SLC16A1: variants seen among roughly 807,000 people sequenced by gnomAD.
SLC16A1 encodes solute carrier family 16 member 1.
In SLC16A1, 11 loss-of-function variants were observed where a neutral mutation model predicts 32.2. The observed-to-expected ratio is 0.34, with a 90% CI of 0.21 to 0.56. SLC16A1 has a LOEUF of 0.56. Ranked by LOEUF, SLC16A1 falls within the 20% of genes least tolerant of loss-of-function variation. SLC16A1 has a pLI of 0.87. For missense variants in SLC16A1, 435 were observed against 615.0 expected (o/e 0.71, Z 3.10); for synonymous variants, 231 against 226.8 (o/e 1.02, Z -0.17).
intron 3 of SLC16A1, among the ~76,000 whole-genome samples, chr1:112,919,006 A>AT (rs1446253214): frequency 1.6e-4 from 15 of 93,024 alleles, no homozygotes; most frequent in South Asian, 1.4e-3. Flanking sequence ...GAATGTACTA[A>AT]TTTATTTTAT....
Position 112,912,880 on chromosome 1 carries a change from T to C in SLC16A1, c.*1011A>G, listed in dbSNP as rs1648372934. 6.7e-6 allele frequency: 1 copy of C among 149,724 alleles called. No individual in the cohort carries two copies. Among genetic ancestry groups the C allele is most frequent in the African/African-American group, 2.5e-5 (1 of 40,718 alleles). The allele number at this position is 149,724 out of a possible 1,614,324, so 9.3% of individuals were successfully genotyped here. A position where few individuals can be genotyped will look rare whatever the true frequency, so the allele number is the denominator to read the frequency against. On this transcript the variant is annotated 3_prime_UTR_variant, in exon 5 of 5. Transcript: ENST00000369626. The stretch of plus-strand genomic sequence containing the variant: ...CACATAGCACTAAGCTAGAAGCAGA[T>C]ATAAATGGGACCACTGTGAATCAAA...
chr1:112,947,122 T>C (rs1649732292), intron 1 of SLC16A1, among the ~76,000 whole-genome samples: 2 of 152,358 alleles, frequency 1.3e-5, no homozygotes, highest in Admixed American at 6.5e-5. Flanking sequence ...CCATCAATAG[T>C]ATGTTTTGCT....
intron 4 of SLC16A1, among the ~76,000 whole-genome samples, chr1:112,916,496 TA>T (rs570173297): frequency 0.049 from 2,988 of 61,198 alleles, 91 homozygotes; most frequent in African/African-American, 0.16. Flanking sequence ...AAGACTGTCT[TA>T]AAAAAAAAAA....
At chr1:112,940,019 A>G (rs1186968361) in intron 1 of SLC16A1, among the ~76,000 whole-genome samples, 1 of 148,480 alleles carries the variant, frequency 6.7e-6, no homozygotes, top group East Asian at 2.0e-4. Flanking sequence ...CTTTGATACT[A>G]CACCAAAACC....
In SLC16A1 at chr1:112,929,296, C is replaced by T. The variant is rs1352775791; in HGVS notation, c.13G>A (p.Val5Ile). MPPA[V>I]GGPVGYTPPD... ...GGGGTGTATCCAACTGGACCTCCAA[C>T]TGCTGGTGGCATTTTAAGTGTAGAT... Residue 5 changes from valine to isoleucine, a missense_variant, in exon 2 of 5, where the codon GTT (valine) becomes ATT (isoleucine). Transcript: ENST00000369626. The T allele has an allele frequency of 5.0e-6, 8 of 1,613,956 alleles. No individual in the cohort carries two copies. Among genetic ancestry groups the T allele is most frequent in the Non-Finnish European group, 6.8e-6 (8 of 1,179,998 alleles).
chr1:112,917,359 T>C lies in SLC16A1; in HGVS notation c.1047A>G (p.Leu349=), dbSNP rs1043148875. Residue 349 remains leucine (L), a synonymous_variant, in exon 4 of 5, where the codon TTA becomes TTG. Coordinates refer to ENST00000369626, the MANE Select transcript of SLC16A1 (RefSeq NM_003051.4). This position sits in a 1 kb window ranked among gnomAD's most constrained non-coding sequence, Gnocchi z 4.1. The part of the protein sequence containing the change: ...ANGVCHMLAP[L]STTYVGFCVY... ...CACAGAATCCAACATAGGTAGTGGA[T>C]AAAGGTGCTAGCATATGACACACTC... is the stretch of plus-strand genomic sequence containing the variant. The C allele has an allele frequency of 1.2e-6, 2 of 1,614,094 alleles. No individual in the cohort carries two copies. Among genetic ancestry groups the C allele is most frequent in the Non-Finnish European group, 1.7e-6 (2 of 1,180,018 alleles).
At chr1:112,941,719 C>T (rs561902936) in intron 1 of SLC16A1, among the ~76,000 whole-genome samples, 20 of 152,312 alleles carry the variant, frequency 1.3e-4, no homozygotes, top group African/African-American at 4.6e-4. Context: ...ATAAAACATA[C>T]GAAAGCTAAC....
intron 1 of SLC16A1, among the ~76,000 whole-genome samples, chr1:112,930,980 A>T (rs987658059): frequency 6.6e-6 from 1 of 152,154 alleles, no homozygotes; most frequent in Admixed American, 6.5e-5. Flanking sequence ...TGGCCTCCCA[A>T]AGTGCTGGGA....
intron 4 of SLC16A1, among the ~76,000 whole-genome samples, chr1:112,916,340 A>C (rs560939609): frequency 6.6e-6 from 1 of 151,732 alleles, no homozygotes; most frequent in East Asian, 2.0e-4. Flanking sequence ...TCTACTAAAA[A>C]TACAAAAATT....
rs1029557072 is a variant in SLC16A1 at position 112,923,523 on chromosome 1, G to A, written c.218-1390C>T. The A allele has an allele frequency of 1.0e-5, 11 of 1,051,984 alleles. No homozygotes were observed. In the East Asian group the frequency reaches 1.2e-4, roughly 11 times the overall value. The allele number at this position is 1,051,984 out of a possible 1,614,324, so 65.2% of individuals were successfully genotyped here. A position where few individuals can be genotyped will look rare whatever the true frequency, so the allele number is the denominator to read the frequency against. The stretch of plus-strand genomic sequence containing the variant: ...CCACACCAAGATAGACACGGCCTTC[G>A]TGTACAGCGACAGCCAGTCCAAGAC... On this transcript the variant is annotated intron_variant, in intron 2 of 4. Transcript: ENST00000369626.
chr1:112,924,158 G>A, intron 2 of SLC16A1: 1 of 1,468,970 alleles, frequency 6.8e-7, no homozygotes, highest in Non-Finnish European at 9.5e-7. Context: ...CCCTCTGGTG[G>A]ATGTACCACC....
At chr1:112,923,189 CA>C (rs1171586766) in intron 2 of SLC16A1, among the ~76,000 whole-genome samples, 1 of 152,142 alleles carries the variant, frequency 6.6e-6, no homozygotes, top group Non-Finnish European at 1.5e-5. Flanking sequence ...CGTGGTGGCG[CA>C]TGCCTGTAAT....
intron 1 of SLC16A1, among the ~76,000 whole-genome samples, chr1:112,953,153 CTTTTTT>C (rs55766100): frequency 7.7e-6 from 1 of 130,196 alleles, no homozygotes; most frequent in African/African-American, 2.8e-5. Context: ...ACTGAAAATC[CTTTTTT>C]TTTTTTTTTT....
intron 2 of SLC16A1, among the ~76,000 whole-genome samples, chr1:112,924,589 A>G (rs1272186171): frequency 6.6e-6 from 1 of 152,152 alleles, no homozygotes; most frequent in Non-Finnish European, 1.5e-5. Context: ...AAACAAAAAC[A>G]ACAACAACAA....
In SLC16A1 at chr1:112,912,742, A is replaced by G. The variant is rs1467665390; in HGVS notation, c.*1149T>C. 1 of 152,008 alleles carries G rather than the reference A, an allele frequency of 6.6e-6. No homozygotes were observed. The highest frequency in any genetic ancestry group is 1.5e-5 in the Non-Finnish European group (1 of 67,996). 9.4% of individuals were successfully genotyped at this position (152,008 alleles called of 1,614,324 possible). A position where few individuals can be genotyped will look rare whatever the true frequency, so the allele number is the denominator to read the frequency against. ...AAGCACACTTAGCAACTTCTTTCCCAATCCTATCTTTATTCGTTTGCCTGG... is the reference window on the plus strand; with the variant it reads ...AAGCACACTTAGCAACTTCTTTCCCGATCCTATCTTTATTCGTTTGCCTGG... On this transcript the variant is annotated 3_prime_UTR_variant, in exon 5 of 5. Coordinates refer to ENST00000369626, the MANE Select transcript of SLC16A1 (RefSeq NM_003051.4).
At chr1:112,945,082 T>TC (rs1649650761) in intron 1 of SLC16A1, among the ~76,000 whole-genome samples, 1 of 147,470 alleles carries the variant, frequency 6.8e-6, no homozygotes, top group Admixed American at 6.9e-5. Flanking sequence ...CATTGAAACC[T>TC]CCACCTCCCA....
intron 3 of SLC16A1, 130 bp downstream of exon 3, chr1:112,921,860 C>T: frequency 6.2e-6 from 7 of 1,128,124 alleles, no homozygotes; most frequent in Non-Finnish European, 6.5e-6. Flanking sequence ...ATCTCTAGTT[C>T]TTCAAAATGA....
In SLC16A1 at chr1:112,923,623, G is replaced by A. The variant is rs557844907; in HGVS notation, c.218-1490C>T. On this transcript the variant is annotated intron_variant, in intron 2 of 4. Coordinates refer to ENST00000369626, the MANE Select transcript of SLC16A1 (RefSeq NM_003051.4). ...AACTCCCTGAAACCTGACAGTCTCC[G>A]GTTCCAGCTGGAGACGTCACTGAAG... is the stretch of plus-strand genomic sequence containing the variant. 131 of 1,423,480 alleles carry A rather than the reference G, an allele frequency of 9.2e-5. 4 individuals carry two copies. The South Asian group carries it at 1.3e-3, about 14-fold the overall frequency. The allele number at this position is 1,423,480 out of a possible 1,614,324, so 88.2% of individuals were successfully genotyped here.
intron 1 of SLC16A1, among the ~76,000 whole-genome samples, chr1:112,930,092 T>C (rs139954399): frequency 5.3e-5 from 8 of 152,316 alleles, no homozygotes; most frequent in Middle Eastern, 3.4e-3. Context: ...TGAGCCTTCC[T>C]AGCAAATTAA....
Sources: allele counts gnomAD v4.1 joint callset (sites outside exome capture counted in the v4.1 genomes callset), GRCh38; gene constraint gnomAD v4.1.1; non-coding constraint Gnocchi (gnomAD v3.1); transcripts MANE v1.5; gene names NCBI Gene and HGNC (gene_info 2026-07-23, HGNC 2026-07-21).